IL23R: variants seen among roughly 807,000 people sequenced by gnomAD.
The protein encoded by IL23R is interleukin 23 receptor, also known as interleukin-23 receptor.
A neutral mutation model predicts 56.9 loss-of-function variants in IL23R; 34 were observed. That is an observed-to-expected ratio of 0.60 (90% CI 0.45 to 0.80). The LOEUF (loss-of-function observed/expected upper bound fraction) is 0.80. Among genes scored for constraint, IL23R ranks in the 30% least tolerant of loss-of-function variants. The pLI, the probability that IL23R is intolerant of heterozygous loss-of-function variation, is 0.00. For missense variants in IL23R, 635 were observed against 730.0 expected, an observed-to-expected ratio of 0.87 and a Z score of 1.50; for synonymous variants, 230 against 249.2, an observed-to-expected ratio of 0.92 and a Z score of 0.73.
At chr1:67,161,016 A>G (rs1646813691) in intron 1 of IL23R, among the ~76,000 whole-genome samples, 2 of 152,200 alleles carry the variant, frequency 1.3e-5, no homozygotes, top group Admixed American at 6.5e-5. Context: ...TTCCATCCAA[A>G]CAATAATACT....
Position 67,219,557 on chromosome 1 carries a change from T to C in IL23R, c.799-17T>C, listed in dbSNP as rs772305723. On this transcript the variant is annotated splice_polypyrimidine_tract_variant and intron_variant, in intron 6 of 10. Coordinates refer to ENST00000347310, the MANE Select transcript of IL23R (RefSeq NM_144701.3). ...AAAAGCACACCACATTTTATTATTGTTACCCATCCATTTTAGGTTAAAGAA... is the reference window on the plus strand; with the variant it reads ...AAAAGCACACCACATTTTATTATTGCTACCCATCCATTTTAGGTTAAAGAA... 12 of 1,611,082 alleles carry C rather than the reference T, an allele frequency of 7.4e-6. No homozygotes were observed. The Admixed American group carries it at 2.0e-4, about 27-fold the overall frequency.
At position 67,206,710 on chromosome 1, in the gene IL23R, T is replaced by C. The variant is rs1338011067; in HGVS notation, c.653-200T>C. Among the ~76,000 whole-genome samples, 7 of 151,712 alleles carry C rather than the reference T, an allele frequency of 4.6e-5. No individual in the cohort carries two copies. The East Asian group carries it at 1.4e-3, about 29-fold the overall frequency. ...TTTTTTTAATGGGGAATGGGCTGAATAGAATTTTCCTTAACAGCAGTTTTC... is the reference window on the plus strand; with the variant it reads ...TTTTTTTAATGGGGAATGGGCTGAACAGAATTTTCCTTAACAGCAGTTTTC... On this transcript the variant is annotated intron_variant, in intron 5 of 10. Transcript: ENST00000347310.
intron 7 of IL23R, among the ~76,000 whole-genome samples, chr1:67,223,800 G>T (rs1379265940): frequency 1.3e-5 from 2 of 151,946 alleles, no homozygotes; most frequent in African/African-American, 4.8e-5. Flanking sequence ...ATTTATTTAG[G>T]CATTTCCCTA....
intron 4 of IL23R, among the ~76,000 whole-genome samples, chr1:67,189,350 A>G (rs930541066): frequency 3.3e-5 from 5 of 152,170 alleles, no homozygotes; most frequent in Non-Finnish European, 7.4e-5. Flanking sequence ...TAGTTAAGTA[A>G]TAATATAAGG....
At chr1:67,237,621 C>G (rs1007092873) in intron 8 of IL23R, among the ~76,000 whole-genome samples, 1 of 152,174 alleles carries the variant, frequency 6.6e-6, no homozygotes, top group Non-Finnish European at 1.5e-5. Context: ...TACAAACCAG[C>G]TCCCATTTCA....
intron 4 of IL23R, among the ~76,000 whole-genome samples, chr1:67,186,462 A>C (rs919928200): frequency 6.6e-6 from 1 of 152,182 alleles, no homozygotes; most frequent in Non-Finnish European, 1.5e-5. Flanking sequence ...CCAAAAAAAA[A>C]ATCACATCCA....
At chr1:67,149,384 A>G (rs1646709114) in intron 1 of IL23R, among the ~76,000 whole-genome samples, 1 of 152,128 alleles carries the variant, frequency 6.6e-6, no homozygotes, top group Non-Finnish European at 1.5e-5. Flanking sequence ...TAGAGTTCCT[A>G]GCTGCAGTTA....
intron 6 of IL23R, among the ~76,000 whole-genome samples, chr1:67,210,853 A>G (rs1649422456): frequency 6.6e-6 from 1 of 152,174 alleles, no homozygotes. Context: ...TATGTATTTA[A>G]CACTAAAATA....
chr1:67,153,908 G>A (rs1646749976), intron 1 of IL23R, among the ~76,000 whole-genome samples: 1 of 152,124 alleles, frequency 6.6e-6, no homozygotes, highest in Non-Finnish European at 1.5e-5. Context: ...TGGGACTACA[G>A]GCGCCTGCCA....
intron 6 of IL23R, among the ~76,000 whole-genome samples, chr1:67,215,402 C>G (rs1283181754): frequency 4.6e-5 from 7 of 152,210 alleles, no homozygotes; most frequent in African/African-American, 1.7e-4. Context: ...TACATGTCTC[C>G]TGGTCCTCTT....
chr1:67,227,264 A>G (rs1190810919), intron 7 of IL23R, among the ~76,000 whole-genome samples: 1 of 152,250 alleles, frequency 6.6e-6, no homozygotes, highest in Non-Finnish European at 1.5e-5. Flanking sequence ...TCAATTCTGC[A>G]TTGTAATATA....
intron 4 of IL23R, among the ~76,000 whole-genome samples, chr1:67,194,722 G>A (rs1648007554): frequency 6.6e-6 from 1 of 152,172 alleles, no homozygotes; most frequent in Non-Finnish European, 1.5e-5. Flanking sequence ...AACATATAAT[G>A]TGGTTTTCTC....
chr1:67,263,112 C>CTTTT (rs66482004), downstream of IL23R, among the ~76,000 whole-genome samples: 5 of 98,860 alleles, frequency 5.1e-5, no homozygotes, highest in South Asian at 3.4e-4. Flanking sequence ...AATTTCTTTC[C>CTTTT]TTTTTTTTTT....
intron 1 of IL23R, among the ~76,000 whole-genome samples, chr1:67,148,848 C>T (rs1321412140): frequency 6.6e-6 from 1 of 152,154 alleles, no homozygotes; most frequent in Non-Finnish European, 1.5e-5. Context: ...ACCTAAACTT[C>T]AGAGGCTCTT....
Position 67,204,154 on chromosome 1 carries a change from T to C in IL23R, c.653-2756T>C, listed in dbSNP as rs535458577. 4.1e-4 allele frequency among the ~76,000 whole-genome samples: 62 copies of C among 152,046 alleles called. 1 individual carries two copies. The highest frequency in any genetic ancestry group is 3.3e-3 in the South Asian group (16 of 4,802). On this transcript the variant is annotated intron_variant, in intron 5 of 10. Transcript: ENST00000347310. ...TCTCGGCTCACTGCAAGCTCCGCCT[T>C]CCGGGTTCACGCCATTCTCCTGCCT...
chr1:67,214,585 G>A lies in IL23R; in HGVS notation c.799-4989G>A, dbSNP rs1159352357. 3.3e-5 allele frequency among the ~76,000 whole-genome samples: 5 copies of A among 152,342 alleles called. No homozygotes were observed. The South Asian group carries it at 8.3e-4, about 25-fold the overall frequency. ...AGCACCACCAGGGGGAGCAGAGAAT[G>A]AGAGTTTCAACCAGAAAACAGTTGG... On this transcript the variant is annotated intron_variant, in intron 6 of 10. Coordinates refer to ENST00000347310, the MANE Select transcript of IL23R (RefSeq NM_144701.3).
chr1:67,209,506 T>G (rs1649312274), intron 6 of IL23R, among the ~76,000 whole-genome samples: 1 of 152,164 alleles, frequency 6.6e-6, no homozygotes, highest in African/African-American at 2.4e-5. Flanking sequence ...ATCTGATGCA[T>G]TTATCAGGGG....
intron 6 of IL23R, among the ~76,000 whole-genome samples, chr1:67,210,699 A>T (rs1649406767): frequency 6.6e-6 from 1 of 152,008 alleles, no homozygotes; most frequent in Admixed American, 6.6e-5. Context: ...CTAGCCTCAA[A>T]TAATCCTCCC....
At chr1:67,255,988 A>G in intron 10 of IL23R, 61 bp downstream of exon 10, 1 of 899,364 alleles carries the variant, frequency 1.1e-6, no homozygotes, top group Non-Finnish European at 1.9e-6. Context: ...GCAGTCTAAT[A>G]ATTAGAATAG....
Sources: gnomAD v4.1 joint callset for allele counts (sites outside exome capture counted in the v4.1 genomes callset) on GRCh38, gnomAD v4.1.1 for gene constraint, MANE v1.5 for transcripts, NCBI Gene and HGNC (gene_info 2026-07-23, HGNC 2026-07-21) for gene names.